ATP10B: variants seen among roughly 807,000 people sequenced by gnomAD.
ATP10B encodes phospholipid-transporting ATPase VB.
Under a neutral mutation model 141.2 loss-of-function variants are expected in ATP10B, and 122 were observed. That is an observed-to-expected ratio of 0.86 (90% confidence interval 0.75 to 1.00). ATP10B has a LOEUF of 1.00. Among genes scored for constraint, ATP10B ranks in the 50% least tolerant of loss-of-function variants. The pLI, the probability that ATP10B is intolerant of heterozygous loss-of-function variation, is 0.00. For synonymous variants in ATP10B, 685 were observed against 692.0 expected, an observed-to-expected ratio of 0.99 and a Z score of 0.16; for missense variants, 1,876 against 1,825.3, an observed-to-expected ratio of 1.03 and a Z score of -0.51.
chr5:160,672,167 G>A (rs1291800682), intron 6 of ATP10B, among the ~76,000 whole-genome samples: 2 of 151,610 alleles, frequency 1.3e-5, no homozygotes, highest in East Asian at 1.9e-4. Context: ...AGTAGAGATG[G>A]GGTTTCACCA....
intron 1 of ATP10B, among the ~76,000 whole-genome samples, chr5:160,799,297 C>T (rs1772192900): frequency 6.6e-6 from 1 of 152,274 alleles, no homozygotes; most frequent in Non-Finnish European, 1.5e-5. Flanking sequence ...GGAGATTAGT[C>T]ATCTGATTTA....
Position 160,772,412 on chromosome 5 carries a change from TCTGTGGGATGTGG to T in ATP10B, c.-331+13134_-331+13146del, listed in dbSNP as rs1581502882. Among the ~76,000 whole-genome samples the T allele has an allele frequency of 4.6e-5, 7 of 152,252 alleles. No individual in the cohort carries two copies. In the East Asian group the frequency reaches 1.4e-3, roughly 29 times the overall value. ...TCCAGGAAGCCAACGGGAGGTGGTG[TCTGTGGGATGTGG>T]CTGTGATACCTGGACTGTGGTCTTG... On this transcript the variant is annotated intron_variant, in intron 2 of 25. Transcript: ENST00000327245.
the ATP10B span, among the ~76,000 whole-genome samples, chr5:160,897,714 A>G: frequency 5.8e-3 from 889 of 152,348 alleles, 6 homozygotes; most frequent in African/African-American, 0.02. Flanking sequence ...TGGAACTAAA[A>G]AAGAGCTCAT....
At chr5:160,736,565 G>C (rs545183276) in intron 2 of ATP10B, among the ~76,000 whole-genome samples, 2 of 152,262 alleles carry the variant, frequency 1.3e-5, no homozygotes, top group East Asian at 3.9e-4. Context: ...AGTTCGCCCA[G>C]CCTGACCAAT....
In ATP10B at chr5:160,632,209, G is replaced by T; in HGVS notation, c.1540C>A (p.Pro514Thr). The T allele has an allele frequency of 6.2e-7, 1 of 1,614,172 alleles. No individual in the cohort carries two copies. Among genetic ancestry groups the T allele is most frequent in the Non-Finnish European group, 8.5e-7 (1 of 1,180,034 alleles). Residue 514 changes from proline (P) to threonine (T), a missense_variant, in exon 13 of 26, where the codon CCC becomes ACC. Pro to Thr is a conservative substitution (Grantham distance 38). Coordinates refer to ENST00000327245, the MANE Select transcript of ATP10B (RefSeq NM_025153.3). ...PLRRSQSARV[P>T]IQGHYRQRSM... ...CTTTGCCGGTAGTGGCCCTGGATGG[G>T]CACCCGGGCACTCTGGCTCCTCCTC...
chr5:160,826,355 C>T (rs568899361), intron 1 of ATP10B, among the ~76,000 whole-genome samples: 37 of 152,230 alleles, frequency 2.4e-4, no homozygotes, highest in Middle Eastern at 3.4e-3. Flanking sequence ...GGCAGAGGAA[C>T]GTAAATCGTG....
chr5:160,578,445 G>T (rs1468377221), intron 24 of ATP10B, among the ~76,000 whole-genome samples: 1 of 152,022 alleles, frequency 6.6e-6, no homozygotes, highest in East Asian at 1.9e-4. Context: ...AGTATTTTTG[G>T]TTTTCTGTTC....
At chr5:160,592,576 G>A (rs1483798326) in intron 22 of ATP10B, among the ~76,000 whole-genome samples, 3 of 152,226 alleles carry the variant, frequency 2.0e-5, no homozygotes, top group Admixed American at 6.5e-5. Context: ...GACAGTGGGT[G>A]CAGTGCACCA....
chr5:160,689,558 C>G (rs1763951925), intron 3 of ATP10B, among the ~76,000 whole-genome samples: 1 of 152,080 alleles, frequency 6.6e-6, no homozygotes, highest in Admixed American at 6.5e-5. Context: ...GTGCAAAAAT[C>G]ACAAGCATTC....
the ATP10B span, among the ~76,000 whole-genome samples, chr5:160,871,889 A>G: frequency 1.3e-4 from 19 of 151,958 alleles, no homozygotes; most frequent in East Asian, 2.7e-3. Flanking sequence ...ATAATGACTT[A>G]TTTTCCTCTG....
At chr5:160,618,840 A>AT (rs1758168300) in intron 15 of ATP10B, among the ~76,000 whole-genome samples, 1 of 130,622 alleles carries the variant, frequency 7.7e-6, no homozygotes, top group Non-Finnish European at 1.6e-5. Flanking sequence ...CTTCAGAATC[A>AT]TTTTTTACCA....
chr5:160,658,363 A>G (rs955032029), intron 7 of ATP10B, among the ~76,000 whole-genome samples: 1 of 152,190 alleles, frequency 6.6e-6, no homozygotes, highest in African/African-American at 2.4e-5. Context: ...GAAGAGGAAT[A>G]ACACTAGGGA....
intron 6 of ATP10B, among the ~76,000 whole-genome samples, 164 bp from the exon 7 acceptor site, chr5:160,670,831 C>G (rs561475658): frequency 6.6e-6 from 1 of 152,194 alleles, no homozygotes; most frequent in African/African-American, 2.4e-5. Context: ...CTCATAATCT[C>G]TCTAGAATAG....
rs772625121 is a variant in ATP10B, at chr5:160,787,128, A to AC, written c.-575-1326dup. ...CAGACACACACACACACACACACAC[A>AC]CACACACACACACACACACACATTA... On this transcript the variant is annotated intron_variant, in intron 1 of 25. Transcript: ENST00000327245. Among the ~76,000 whole-genome samples the AC allele has an allele frequency of 1.1e-3, 168 of 146,754 alleles. 1 individual carries two copies. In the South Asian group the frequency reaches 0.017, roughly 15 times the overall value.
chr5:160,723,316 A>T (rs1331983765), intron 2 of ATP10B, among the ~76,000 whole-genome samples: 1 of 152,204 alleles, frequency 6.6e-6, no homozygotes, highest in Non-Finnish European at 1.5e-5. Flanking sequence ...ATTTTGGTGG[A>T]GGAGATATAT....
chr5:160,808,391 T>C (rs1006802071), intron 1 of ATP10B, among the ~76,000 whole-genome samples: 2 of 152,326 alleles, frequency 1.3e-5, no homozygotes, highest in Middle Eastern at 3.4e-3. Context: ...CTGAGAGTTA[T>C]CAGAGGATCC....
chr5:160,728,782 C>T (rs554605674), intron 2 of ATP10B, among the ~76,000 whole-genome samples: 4 of 151,642 alleles, frequency 2.6e-5, no homozygotes, highest in East Asian at 1.9e-4. Context: ...CACTGTTTCA[C>T]GGAACCCTTT....
intron 2 of ATP10B, among the ~76,000 whole-genome samples, chr5:160,758,321 T>C (rs1768782584): frequency 6.6e-6 from 1 of 152,072 alleles, no homozygotes; most frequent in South Asian, 2.1e-4. Context: ...CAGGTTCCTG[T>C]GAAGATGAAA....
intron 1 of ATP10B, among the ~76,000 whole-genome samples, chr5:160,807,582 G>A (rs138635626): frequency 1.3e-5 from 2 of 152,212 alleles, no homozygotes; most frequent in Non-Finnish European, 2.9e-5. Context: ...TAACTCAAGG[G>A]TAGACAAACA....
Sources: allele counts gnomAD v4.1 joint callset (sites outside exome capture counted in the v4.1 genomes callset), GRCh38; gene constraint gnomAD v4.1.1; transcripts MANE v1.5; gene names NCBI Gene and HGNC (gene_info 2026-07-23, HGNC 2026-07-21).